Variants in TRPM6 observed in about 807,000 individuals in gnomAD.
The protein encoded by TRPM6 is channel kinase 2.
A neutral mutation model predicts 247.6 loss-of-function variants in TRPM6; 111 were observed. The ratio of observed to expected loss-of-function variants is 0.45; its 90% confidence interval spans 0.38 to 0.52. TRPM6 has a LOEUF of 0.52. TRPM6 is among the 20% of genes least tolerant of loss of function. TRPM6 has a pLI of 0.00. For synonymous variants in TRPM6, 892 were observed against 853.8 expected, an observed-to-expected ratio of 1.04 and a Z score of -0.78; for missense variants, 2,126 against 2,421.5, an observed-to-expected ratio of 0.88 and a Z score of 2.56.
intron 23 of TRPM6, among the ~76,000 whole-genome samples, chr9:74,781,243 A>G (rs1827431747): frequency 1.3e-5 from 2 of 152,108 alleles, no homozygotes; most frequent in African/African-American, 2.4e-5. Flanking sequence ...GTGACAGAGA[A>G]GAAAACAGAG....
chr9:74,737,375 C>A, intron 36 of TRPM6: 1 of 1,289,674 alleles, frequency 7.8e-7, no homozygotes, highest in Non-Finnish European at 1.0e-6. Flanking sequence ...TCATGATGCC[C>A]CAGGACTGTC....
At chr9:74,843,211 T>C in intron 3 of TRPM6, among the ~76,000 whole-genome samples, 1 of 152,196 alleles carries the variant, frequency 6.6e-6, no homozygotes, top group East Asian at 1.9e-4. Flanking sequence ...TTTAATGAGA[T>C]TCAGTCACAC....
chr9:74,730,114 A>T (rs1040633788), intron 37 of TRPM6, among the ~76,000 whole-genome samples: 4 of 152,190 alleles, frequency 2.6e-5, no homozygotes, highest in East Asian at 1.9e-4. Context: ...ACCAGGTTTT[A>T]AAAAAAATAC....
chr9:74,729,726 C>A (rs1308789621), intron 37 of TRPM6, among the ~76,000 whole-genome samples: 1 of 152,198 alleles, frequency 6.6e-6, no homozygotes, highest in African/African-American at 2.4e-5. Context: ...GACCAGGATT[C>A]TACGATGCCA....
Position 74,788,602 on chromosome 9 carries a change from G to A in TRPM6, c.2667+12C>T. ...ACATATGCAGAAGATAAAGGTAGAT[G>A]GCATAACTCACCTCCCTGACCACCT... On this transcript the variant is annotated intron_variant, in intron 20 of 38. Transcript: ENST00000360774. 3 of 1,613,762 alleles carry A rather than the reference G, an allele frequency of 1.9e-6. No individual in the cohort carries two copies. The highest frequency in any genetic ancestry group is 2.2e-5 in the South Asian group (2 of 91,030).
At chr9:74,788,830 A>G in intron 19 of TRPM6, 88 bp from the exon 20 acceptor site, 1 of 1,507,826 alleles carries the variant, frequency 6.6e-7, no homozygotes, top group Non-Finnish European at 9.0e-7. Context: ...AAACCCAGGC[A>G]TGAACTTCAA....
At chr9:74,806,808 A>T (rs985991399) in intron 14 of TRPM6, among the ~76,000 whole-genome samples, 2 of 152,214 alleles carry the variant, frequency 1.3e-5, no homozygotes. Context: ...CTCCAAAATC[A>T]TGTGCTTGTA....
intron 6 of TRPM6, among the ~76,000 whole-genome samples, chr9:74,828,876 A>G (rs1033532777): frequency 1.3e-5 from 2 of 152,072 alleles, no homozygotes; most frequent in African/African-American, 4.8e-5. Context: ...CAAATCATTA[A>G]AAAACAGTTC....
At chr9:74,818,038 G>C (rs147560733) in intron 9 of TRPM6, among the ~76,000 whole-genome samples, 97 of 152,192 alleles carry the variant, frequency 6.4e-4, no homozygotes, top group African/African-American at 2.2e-3. Context: ...CGCCCTCTAT[G>C]TGCACGAATA....
At chr9:74,887,401 CA>C in intron 1 of TRPM6, 1 of 1,335,828 alleles carries the variant, frequency 7.5e-7, no homozygotes. Context: ...CGTGGCAGCT[CA>C]AAACGCGCCT....
intron 24 of TRPM6, among the ~76,000 whole-genome samples, chr9:74,773,127 AAACAACAAC>A (rs547034582): frequency 1.3e-5 from 2 of 151,842 alleles, no homozygotes; most frequent in African/African-American, 2.4e-5. Flanking sequence ...ACTCCATCTC[AAACAACAAC>A]AACAACAACA....
chr9:74,831,886 C>T (rs1829557841), intron 6 of TRPM6, among the ~76,000 whole-genome samples: 2 of 152,100 alleles, frequency 1.3e-5, no homozygotes, highest in South Asian at 2.1e-4. Flanking sequence ...GGTGAGAAAA[C>T]GTTTATCTAT....
intron 13 of TRPM6, among the ~76,000 whole-genome samples, chr9:74,809,800 G>A (rs920944121): frequency 9.2e-5 from 14 of 151,788 alleles, no homozygotes; most frequent in Admixed American, 8.5e-4. Flanking sequence ...CCAACATGGT[G>A]AAACCCCACG....
chr9:74,774,004 G>A (rs1371494778), intron 24 of TRPM6, among the ~76,000 whole-genome samples: 1 of 152,116 alleles, frequency 6.6e-6, no homozygotes, highest in Non-Finnish European at 1.5e-5. Context: ...ATCCCTGAGA[G>A]CAAACAATCC....
At chr9:74,825,476 T>C (rs868181821) in intron 7 of TRPM6, among the ~76,000 whole-genome samples, 4 of 151,824 alleles carry the variant, frequency 2.6e-5, no homozygotes, top group Admixed American at 6.6e-5. Context: ...TGTGTGTGTG[T>C]GTGTGTGTAT....
At chr9:74,862,097 A>G (rs890414989) in intron 1 of TRPM6, among the ~76,000 whole-genome samples, 1 of 17,480 alleles carries the variant, frequency 5.7e-5, no homozygotes, top group Admixed American at 6.2e-4. Flanking sequence ...AAACTACCAG[A>G]AAAAAAAAAA....
chr9:74,821,601 G>A, intron 8 of TRPM6, 68 bp downstream of exon 8: 1 of 1,570,468 alleles, frequency 6.4e-7, no homozygotes, highest in Non-Finnish European at 8.8e-7. Flanking sequence ...TAAATGCACA[G>A]CCAAAAGAAC....
chr9:74,840,786 GCCACT>G, intron 4 of TRPM6, among the ~76,000 whole-genome samples: 1 of 139,212 alleles, frequency 7.2e-6, no homozygotes, highest in East Asian at 2.1e-4. Context: ...ATCCACTCAC[GCCACT>G]GCACTCCAGC....
In TRPM6 at chr9:74,812,319, G is replaced by A. The variant is rs770259296; in HGVS notation, c.1423C>T (p.Leu475=). ...NLHRFLTIPR[L]EELYNTKQGP... ...CTCACTGTATTGTAGAGCTCTTCCA[G>A]TCGAGGGATGGTAAGAAAGCGATGG... Residue 475 remains leucine, a synonymous_variant, in exon 12 of 39, where the codon CTG becomes TTG. Coordinates refer to ENST00000360774, the MANE Select transcript of TRPM6 (RefSeq NM_017662.5). 1.2e-6 allele frequency: 2 copies of A among 1,613,802 alleles called. No homozygotes were observed. Among genetic ancestry groups the A allele is most frequent in the Non-Finnish European group, 1.7e-6 (2 of 1,179,880 alleles).
Sources: allele counts gnomAD v4.1 joint callset (sites outside exome capture counted in the v4.1 genomes callset), GRCh38; gene constraint gnomAD v4.1.1; transcripts MANE v1.5; gene names NCBI Gene and HGNC (gene_info 2026-07-23, HGNC 2026-07-21).